Variants in PRDM6 observed in about 807,000 individuals in gnomAD.
The protein encoded by PRDM6 is PR/SET domain 6.
PRDM6 carries 25 observed loss-of-function variants against 60.8 expected under a neutral mutation model. That is an observed-to-expected ratio of 0.41 (90% CI 0.30 to 0.57). PRDM6 has a LOEUF of 0.57. Among genes scored for constraint, PRDM6 ranks in the 20% least tolerant of loss-of-function variants. The probability of loss-of-function intolerance (pLI) is 0.27; values close to 1 mark genes in which losing one functional copy is unlikely to be tolerated. For synonymous variants in PRDM6, 407 were observed against 357.4 expected (o/e 1.14, Z -1.57); for missense variants, 839 against 821.3 (o/e 1.02, Z -0.26).
At chr5:123,160,843 A>G (rs1765613907) in intron 5 of PRDM6, among the ~76,000 whole-genome samples, 1 of 152,178 alleles carries the variant, frequency 6.6e-6, no homozygotes, top group Non-Finnish European at 1.5e-5. Context: ...CTGCAGCCAT[A>G]TTCCTGTTTG....
chr5:123,109,122 A>G (rs1580483536), intron 3 of PRDM6, among the ~76,000 whole-genome samples: 1 of 152,160 alleles, frequency 6.6e-6, no homozygotes, highest in African/African-American at 2.4e-5. Context: ...TCTGGGGTCT[A>G]TGAGGAGATT....
intron 3 of PRDM6, among the ~76,000 whole-genome samples, chr5:123,129,494 G>A (rs1339824188): frequency 2.6e-5 from 4 of 151,974 alleles, no homozygotes; most frequent in Non-Finnish European, 5.9e-5. Flanking sequence ...TATAGAGCAG[G>A]GTAAGAAGAA....
At chr5:123,122,387 C>T (rs967613727) in intron 3 of PRDM6, among the ~76,000 whole-genome samples, 1 of 152,096 alleles carries the variant, frequency 6.6e-6, no homozygotes, top group African/African-American at 2.4e-5. Flanking sequence ...TAATTACCAT[C>T]TAGTTCCCTA....
chr5:123,180,092 C>A, intron 6 of PRDM6, 55 bp from the exon 7 acceptor site: 1 of 1,457,290 alleles, frequency 6.9e-7, no homozygotes, highest in Non-Finnish European at 9.2e-7. Flanking sequence ...ATGATTCTGA[C>A]TTCCACTGAC....
intron 5 of PRDM6, among the ~76,000 whole-genome samples, chr5:123,160,448 A>T (rs1765601999): frequency 6.6e-6 from 1 of 152,242 alleles, no homozygotes; most frequent in African/African-American, 2.4e-5. Context: ...CACATTGACT[A>T]ATTTGTGAGC....
intron 3 of PRDM6, among the ~76,000 whole-genome samples, chr5:123,130,020 C>T (rs1764785149): frequency 6.7e-6 from 1 of 148,574 alleles, no homozygotes; most frequent in African/African-American, 2.5e-5. Flanking sequence ...TTTCCCTTTC[C>T]CTTCCCTTCC....
At chr5:123,167,779 A>G (rs570594184) in intron 5 of PRDM6, among the ~76,000 whole-genome samples, 7 of 152,276 alleles carry the variant, frequency 4.6e-5, no homozygotes, top group Admixed American at 4.6e-4. Context: ...CCCCAGAAGC[A>G]TTTTATTCCT....
chr5:123,103,929 A>G (rs776781724), intron 3 of PRDM6, among the ~76,000 whole-genome samples: 23 of 152,254 alleles, frequency 1.5e-4, no homozygotes, highest in Non-Finnish European at 2.2e-4. Flanking sequence ...GTGACTTGTT[A>G]GTAATACAGT....
At chr5:123,140,858 A>T (rs1255283438) in intron 3 of PRDM6, among the ~76,000 whole-genome samples, 1 of 152,106 alleles carries the variant, frequency 6.6e-6, no homozygotes, top group Non-Finnish European at 1.5e-5. Context: ...GCAAGTTGTT[A>T]ATTCTTAAAT....
intron 5 of PRDM6, among the ~76,000 whole-genome samples, chr5:123,166,922 C>G (rs1393260921): frequency 6.6e-6 from 1 of 152,172 alleles, no homozygotes; most frequent in Admixed American, 6.5e-5. Flanking sequence ...TTGCTTCTTG[C>G]AGAAACCACT....
intron 3 of PRDM6, among the ~76,000 whole-genome samples, chr5:123,137,651 C>T (rs1018457378): frequency 2.0e-5 from 3 of 152,034 alleles, no homozygotes; most frequent in African/African-American, 7.2e-5. Context: ...GGGTGGGGGG[C>T]TAAGGGAAGG....
At chr5:123,147,809 C>G (rs79643411) in intron 3 of PRDM6, among the ~76,000 whole-genome samples, 3,582 of 152,332 alleles carry the variant, frequency 0.024, 153 homozygotes, top group African/African-American at 0.082. Flanking sequence ...CTCTGATCAA[C>G]AGACAGAGCA....
At chr5:123,171,765 T>C (rs987968020) in intron 6 of PRDM6, among the ~76,000 whole-genome samples, 2 of 152,252 alleles carry the variant, frequency 1.3e-5, no homozygotes, top group East Asian at 1.9e-4. Context: ...GAACTGAGGA[T>C]GAAATTTAGC....
intron 3 of PRDM6, among the ~76,000 whole-genome samples, chr5:123,121,730 T>C (rs1764584735): frequency 6.6e-6 from 1 of 152,226 alleles, no homozygotes; most frequent in African/African-American, 2.4e-5. Flanking sequence ...TGTCTCTTCC[T>C]TCCCCCCCAA....
chr5:123,090,231 C>CCCGCCTCTCTCTCCT lies in PRDM6; in HGVS notation c.225_239dup (p.Leu76_Ser80dup). 1.4e-6 allele frequency: 2 copies of CCCGCCTCTCTCTCCT among 1,476,552 alleles called. No homozygotes were observed. Among genetic ancestry groups the CCCGCCTCTCTCTCCT allele is most frequent in the Non-Finnish European group, 1.8e-6 (2 of 1,114,010 alleles). 91.5% of individuals were successfully genotyped at this position (1,476,552 alleles called of 1,614,324 possible). A position where few individuals can be genotyped will look rare whatever the true frequency, so the allele number is the denominator to read the frequency against. On this transcript the variant is annotated inframe_insertion, in exon 2 of 8. Coordinates refer to ENST00000407847, the MANE Select transcript of PRDM6 (RefSeq NM_001136239.4). The stretch of plus-strand genomic sequence containing the variant: ...TCCGCCGGACAGCCTGCGCCCGCGG[C>CCCGCCTCTCTCTCCT]CCGCCTCTCTCTCCTCCGCCTCGTC...
At chr5:123,097,124 A>G (rs918373302) in intron 2 of PRDM6, among the ~76,000 whole-genome samples, 1 of 152,166 alleles carries the variant, frequency 6.6e-6, no homozygotes, top group South Asian at 2.1e-4. Flanking sequence ...GCTTTTAGCT[A>G]TTTTTGCAAA....
intron 3 of PRDM6, among the ~76,000 whole-genome samples, chr5:123,124,368 A>G (rs748347385): frequency 6.6e-6 from 1 of 152,228 alleles, no homozygotes; most frequent in African/African-American, 2.4e-5. Context: ...TGCTGATCAG[A>G]CACACTTCAT....
intron 3 of PRDM6, among the ~76,000 whole-genome samples, chr5:123,118,457 G>T (rs1458522055): frequency 6.6e-6 from 1 of 152,196 alleles, no homozygotes; most frequent in African/African-American, 2.4e-5. Flanking sequence ...CTTGAGGAGG[G>T]CAGCTTGCAA....
chr5:123,099,688 G>A lies in PRDM6; in HGVS notation c.627G>A (p.Glu209=). 2 of 1,486,924 alleles carry A rather than the reference G, an allele frequency of 1.3e-6. No homozygotes were observed. The highest frequency in any genetic ancestry group is 1.8e-6 in the Non-Finnish European group (2 of 1,116,286). 92.1% of individuals were successfully genotyped at this position (1,486,924 alleles called of 1,614,324 possible). A position where few individuals can be genotyped will look rare whatever the true frequency, so the allele number is the denominator to read the frequency against. Residue 209 remains glutamate (E), a synonymous_variant, in exon 3 of 8, where the codon GAG becomes GAA. Transcript: ENST00000407847. This position sits in a 1 kb window ranked among gnomAD's most constrained non-coding sequence, Gnocchi z 4.0. Reference sequence around the variant, plus strand: ...TGTGCGCGGACAACCGCAACGGCGAGTGCCCTATGCATGGGCCACTGCACT... The same window carrying A: ...TGTGCGCGGACAACCGCAACGGCGAATGCCCTATGCATGGGCCACTGCACT... ...CDMCADNRNG[E]CPMHGPLHSL... is the part of the protein sequence containing the mutation.
Sources: gnomAD v4.1 joint callset for allele counts (sites outside exome capture counted in the v4.1 genomes callset) on GRCh38, gnomAD v4.1.1 for gene constraint, Gnocchi (gnomAD v3.1) non-coding constraint, MANE v1.5 for transcripts, NCBI Gene and HGNC (gene_info 2026-07-23, HGNC 2026-07-21) for gene names.